The following ZNF385D variants were observed in gnomAD, a reference collection of about 807,000 sequenced individuals.
ZNF385D encodes the protein zinc finger protein 385D.
Under a neutral mutation model 35.8 loss-of-function variants are expected in ZNF385D, and 15 were observed. The ratio of observed to expected loss-of-function variants is 0.42; its 90% CI spans 0.28 to 0.64. The LOEUF (loss-of-function observed/expected upper bound fraction) is 0.64, where lower values mean the gene tolerates loss of function less well. ZNF385D is among the 30% of genes least tolerant of loss of function. The pLI is 0.23. For missense variants in ZNF385D, 474 were observed against 494.6 expected (o/e 0.96, Z 0.39); for synonymous variants, 212 against 186.8 (o/e 1.13, Z -1.10).
At chr3:21,507,064 C>A (rs1706822042) in intron 4 of ZNF385D, among the ~76,000 whole-genome samples, 1 of 152,124 alleles carries the variant, frequency 6.6e-6, no homozygotes, top group South Asian at 2.1e-4. Flanking sequence ...CAGATAAAAC[C>A]TTATTATTTA....
chr3:21,547,405 C>T lies in ZNF385D; in HGVS notation c.276+17169G>A, dbSNP rs1406676254. On this transcript the variant is annotated intron_variant, in intron 3 of 7. Transcript: ENST00000281523. ...ATTTAAATACATGTTTTCTAATAAC[C>T]CAGTTTGTCTGTTCTTGCCTTCAGG... Among the ~76,000 whole-genome samples the T allele has an allele frequency of 2.0e-5, 3 of 151,952 alleles. No individual in the cohort carries two copies. In the South Asian group the frequency reaches 6.2e-4, roughly 32 times the overall value.
chr3:21,707,882 G>T (rs2067965943), intron 1 of ZNF385D, among the ~76,000 whole-genome samples: 2 of 152,294 alleles, frequency 1.3e-5, no homozygotes, highest in African/African-American at 4.8e-5. Context: ...GAGTAAGCAG[G>T]ATTATACGTG....
intron 2 of ZNF385D, among the ~76,000 whole-genome samples, chr3:21,597,808 G>A (rs1175784954): frequency 2.0e-5 from 3 of 152,242 alleles, no homozygotes; most frequent in African/African-American, 7.2e-5. Flanking sequence ...TTGAATGGGT[G>A]GAAAATGGCA....
intron 1 of ZNF385D, among the ~76,000 whole-genome samples, chr3:21,712,023 G>T (rs73046216): frequency 0.033 from 4,974 of 152,100 alleles, 146 homozygotes; most frequent in South Asian, 0.1. Flanking sequence ...TATTTATTTG[G>T]TGAAGGATTT....
At chr3:21,772,258 TC>T (rs1190110791) in intron 3 of ZNF385D, among the ~76,000 whole-genome samples, 1 of 151,852 alleles carries the variant, frequency 6.6e-6, no homozygotes, top group Non-Finnish European at 1.5e-5. Flanking sequence ...AAAAATGTTC[TC>T]CAAAAGATAC....
At chr3:21,788,840 C>A (rs1172884959) in intron 3 of ZNF385D, among the ~76,000 whole-genome samples, 1 of 152,156 alleles carries the variant, frequency 6.6e-6, no homozygotes, top group African/African-American at 2.4e-5. Flanking sequence ...TCAGAAATGT[C>A]CAAGGCACTG....
intron 4 of ZNF385D, among the ~76,000 whole-genome samples, chr3:21,461,523 G>A (rs555829411): frequency 3.3e-5 from 5 of 152,266 alleles, no homozygotes; most frequent in Admixed American, 2.6e-4. Context: ...ACTCCAGCCT[G>A]GGCAATGGAG....
intron 3 of ZNF385D, among the ~76,000 whole-genome samples, chr3:21,962,408 T>C (rs747914374): frequency 6.6e-6 from 1 of 152,206 alleles, no homozygotes; most frequent in Non-Finnish European, 1.5e-5. Flanking sequence ...AAAAGTTCAC[T>C]GAAGTTTAAT....
chr3:22,188,116 A>G (rs1368000359), intron 2 of ZNF385D, among the ~76,000 whole-genome samples: 5 of 152,208 alleles, frequency 3.3e-5, no homozygotes, highest in Admixed American at 6.6e-5. Context: ...GAGCCTTAAG[A>G]GGCAGAAACC....
chr3:22,114,522 T>G (rs902989361), intron 3 of ZNF385D, among the ~76,000 whole-genome samples: 2 of 151,860 alleles, frequency 1.3e-5, no homozygotes, highest in Non-Finnish European at 2.9e-5. Flanking sequence ...CAGGAAGCAT[T>G]AGGTATTAGG....
intron 2 of ZNF385D, among the ~76,000 whole-genome samples, chr3:21,594,353 G>C (rs925963659): frequency 6.6e-6 from 1 of 152,158 alleles, no homozygotes; most frequent in African/African-American, 2.4e-5. Context: ...AGCTGACTCT[G>C]AGACAAAGAT....
intron 3 of ZNF385D, among the ~76,000 whole-genome samples, chr3:22,062,391 G>T (rs566163532): frequency 1.3e-5 from 2 of 152,044 alleles, no homozygotes; most frequent in African/African-American, 4.8e-5. Context: ...TCTTCTAAGT[G>T]GAAGAATTAA....
At chr3:22,084,947 A>C (rs1700947246) in intron 3 of ZNF385D, among the ~76,000 whole-genome samples, 1 of 152,228 alleles carries the variant, frequency 6.6e-6, no homozygotes, top group Non-Finnish European at 1.5e-5. Context: ...AACTACATGG[A>C]AACTGAACAA....
chr3:21,859,200 CTT>C (rs1246382700), intron 3 of ZNF385D, among the ~76,000 whole-genome samples: 2 of 152,022 alleles, frequency 1.3e-5, no homozygotes, highest in Non-Finnish European at 2.9e-5. Flanking sequence ...GCTCCTGAGC[CTT>C]TCTGCTCCAG....
intron 2 of ZNF385D, among the ~76,000 whole-genome samples, chr3:22,216,734 G>A (rs149242829): frequency 2.1e-3 from 320 of 152,220 alleles, no homozygotes; most frequent in African/African-American, 7.5e-3. Context: ...TAAGGCACTC[G>A]GAGGGACCAC....
intron 1 of ZNF385D, among the ~76,000 whole-genome samples, chr3:21,743,000 T>C (rs1455644669): frequency 1.3e-5 from 2 of 152,256 alleles, no homozygotes; most frequent in Non-Finnish European, 1.5e-5. Flanking sequence ...TTTATGTGTA[T>C]AGCATATTTT....
At chr3:21,757,421 G>A (rs12630569) in intron 3 of ZNF385D, among the ~76,000 whole-genome samples, 3 of 152,036 alleles carry the variant, frequency 2.0e-5, no homozygotes, top group African/African-American at 7.2e-5. Flanking sequence ...GGGATTACAG[G>A]CGTGAGCCAC....
intron 5 of ZNF385D, among the ~76,000 whole-genome samples, chr3:21,435,680 G>C (rs1470822915): frequency 2.0e-5 from 3 of 152,122 alleles, no homozygotes; most frequent in African/African-American, 7.2e-5. Flanking sequence ...AAGGATTCTT[G>C]GGAAATAAAT....
At chr3:21,611,863 A>T (rs1468328570) in intron 2 of ZNF385D, among the ~76,000 whole-genome samples, 1 of 152,030 alleles carries the variant, frequency 6.6e-6, no homozygotes, top group African/African-American at 2.4e-5. Context: ...GACTGGAAGG[A>T]TAGACAGGCT....
Sources: allele counts gnomAD v4.1 joint callset (sites outside exome capture counted in the v4.1 genomes callset), GRCh38; gene constraint gnomAD v4.1.1; transcripts MANE v1.5; gene names NCBI Gene and HGNC (gene_info 2026-07-23, HGNC 2026-07-21).